GSE1: variants seen among roughly 807,000 people sequenced by gnomAD.
GSE1 encodes Gse1 coiled-coil protein.
A neutral mutation model predicts 112.6 loss-of-function variants in GSE1; 32 were observed. The observed-to-expected ratio is 0.28, with a 90% CI of 0.21 to 0.38. The LOEUF (loss-of-function observed/expected upper bound fraction) is 0.38. GSE1 is among the 10% of genes least tolerant of loss of function. The probability of loss-of-function intolerance (pLI) is 1.00; values close to 1 mark genes in which losing one functional copy is unlikely to be tolerated. For synonymous variants in GSE1, 1,115 were observed against 735.6 expected, an observed-to-expected ratio of 1.52 and a Z score of -8.35; for missense variants, 2,348 against 1,699.2, an observed-to-expected ratio of 1.38 and a Z score of -6.71.
intron 1 of GSE1, among the ~76,000 whole-genome samples, chr16:85,215,845 C>T (rs541531579): frequency 1.4e-4 from 21 of 152,304 alleles, no homozygotes; most frequent in Admixed American, 9.8e-4. Context: ...CCGTCCCCAC[C>T]GTAACCCCAC....
intron 2 of GSE1, among the ~76,000 whole-genome samples, chr16:85,536,218 T>A (rs72801152): frequency 0.18 from 27,332 of 152,256 alleles, 2,712 homozygotes; most frequent in South Asian, 0.28. Context: ...TTCTGAGTTC[T>A]CTCCGTGGGG....
At chr16:85,569,539 G>A (rs1311122934) in intron 1 of GSE1, among the ~76,000 whole-genome samples, 1 of 152,228 alleles carries the variant, frequency 6.6e-6, no homozygotes, top group African/African-American at 2.4e-5. Flanking sequence ...CAAGAGCTTA[G>A]TGTGGTGTCT....
chr16:85,321,976 AG>A (rs1407211934), intron 1 of GSE1, among the ~76,000 whole-genome samples: 2 of 152,144 alleles, frequency 1.3e-5, no homozygotes, highest in Non-Finnish European at 2.9e-5. Flanking sequence ...CCTGACCGCC[AG>A]GGCCGTGTCC....
chr16:85,239,630 G>C (rs886437393), intron 1 of GSE1, among the ~76,000 whole-genome samples: 6 of 152,318 alleles, frequency 3.9e-5, no homozygotes, highest in African/African-American at 1.2e-4. Flanking sequence ...GGAGAGGTGA[G>C]AGCTGGAGAG....
intron 2 of GSE1, among the ~76,000 whole-genome samples, chr16:85,432,593 G>T (rs943119072): frequency 6.6e-6 from 1 of 152,204 alleles, no homozygotes. Context: ...GGTGTCATTT[G>T]TGGGGCATAT....
rs956899615 is a variant in GSE1 at position 85,675,141 on chromosome 16, T to G, written c.*2602T>G. ...ATCTGTTTTCAATTGGGCTTAAAAA[T>G]TGACATGCAATCTCTTAAGTTTTTT... On this transcript the variant is annotated 3_prime_UTR_variant, in exon 16 of 16. Coordinates refer to ENST00000253458, the MANE Select transcript of GSE1 (RefSeq NM_014615.5). The G allele has an allele frequency of 1.2e-4, 17 of 147,750 alleles. No individual in the cohort carries two copies. Among genetic ancestry groups the G allele is most frequent in the African/African-American group, 4.0e-4 (16 of 40,306 alleles). 9.2% of individuals were successfully genotyped at this position (147,750 alleles called of 1,614,324 possible).
Position 85,663,459 on chromosome 16 carries a change from C to T in GSE1, c.2489C>T (p.Pro830Leu). The stretch of plus-strand genomic sequence containing the variant: ...CTGCGAGAGAGAAGCCCGTCGCCCC[C>T]AACAATTCAGAGCAAGCGGCAGACG... ...RMLRERSPSP[P>L]TIQSKRQTPS... Residue 830 changes from proline (P) to leucine (L), a missense_variant, in exon 11 of 16, where the codon CCA becomes CTA. Pro to Leu is a moderately conservative substitution (Grantham distance 98). Transcript: ENST00000253458. 1 of 1,613,972 alleles carries T rather than the reference C, an allele frequency of 6.2e-7. No individual in the cohort carries two copies. The highest frequency in any genetic ancestry group is 8.5e-7 in the Non-Finnish European group (1 of 1,180,040).
exon 1 of GSE1, chr16:85,555,985 G>A: frequency 1.0e-6 from 1 of 984,614 alleles, no homozygotes; most frequent in Non-Finnish European, 1.2e-6. Flanking sequence ...AAGTCCAAAA[G>A]GCAGAAAATA....
intron 1 of GSE1, among the ~76,000 whole-genome samples, chr16:85,173,194 C>T (rs919554991): frequency 3.9e-5 from 6 of 152,210 alleles, no homozygotes; most frequent in Non-Finnish European, 8.8e-5. Context: ...TCATTTGTTC[C>T]TTACCATGGC....
chr16:85,553,085 C>A (rs1567581875), upstream of GSE1, among the ~76,000 whole-genome samples: 1 of 151,838 alleles, frequency 6.6e-6, no homozygotes, highest in Admixed American at 6.6e-5. Context: ...GGAGATTTTT[C>A]CAGTTTGTGA....
chr16:85,555,353 G>C (rs962899628), upstream of GSE1: 4 of 984,104 alleles, frequency 4.1e-6, no homozygotes, highest in South Asian at 1.4e-4. Flanking sequence ...CCCTCTCTCT[G>C]AGTCAGTGGT....
Position 85,587,176 on chromosome 16 carries a change from C to G in GSE1, c.37+30813C>G, listed in dbSNP as rs142937683. Among the ~76,000 whole-genome samples the G allele has an allele frequency of 6.0e-4, 91 of 150,516 alleles. 1 individual carries two copies. The East Asian group carries it at 0.012, about 19-fold the overall frequency. On this transcript the variant is annotated intron_variant, in intron 1 of 2. Transcript: ENST00000635906. Reference sequence around the variant, plus strand: ...TCTGGTCTGAGGACGAAACCCCCCCCCCCCCAGACCAGACCCCATGGTCTG... The same window carrying G: ...TCTGGTCTGAGGACGAAACCCCCCCGCCCCCAGACCAGACCCCATGGTCTG...
intron 1 of GSE1, among the ~76,000 whole-genome samples, chr16:85,245,726 C>T (rs1269652714): frequency 2.0e-5 from 3 of 152,244 alleles, no homozygotes; most frequent in African/African-American, 7.2e-5. Context: ...AAAAAAGTGT[C>T]CTCTGATTAG....
exon 1 of GSE1, chr16:85,556,215 T>A: frequency 3.0e-6 from 3 of 985,192 alleles, no homozygotes; most frequent in Non-Finnish European, 3.6e-6. Context: ...TTTATTGTTT[T>A]GGACATTTTT....
chr16:85,508,828 C>T (rs1235189741), intron 2 of GSE1, among the ~76,000 whole-genome samples: 3 of 152,188 alleles, frequency 2.0e-5, no homozygotes, highest in Non-Finnish European at 4.4e-5. Context: ...GAGAAAGGTT[C>T]GTAACTGTGT....
chr16:85,170,442 C>G, exon 1 of GSE1: 1 of 985,562 alleles, frequency 1.0e-6, no homozygotes, highest in Non-Finnish European at 1.2e-6. Flanking sequence ...CCCTGGAGAG[C>G]AGGCCGCTGG....
chr16:85,278,196 C>T (rs1474686740), intron 1 of GSE1, among the ~76,000 whole-genome samples: 3 of 152,216 alleles, frequency 2.0e-5, no homozygotes, highest in Admixed American at 2.0e-4. Context: ...GACTCACCCT[C>T]CTGCAGCGTC....
intron 12 of GSE1, 122 bp downstream of exon 12, chr16:85,665,250 C>A: frequency 1.6e-6 from 1 of 629,948 alleles, no homozygotes; most frequent in South Asian, 1.9e-5. Flanking sequence ...CTGTCTTCTT[C>A]CATTCTTGTA....
intron 1 of GSE1, among the ~76,000 whole-genome samples, chr16:85,562,083 C>T (rs577690831): frequency 2.6e-5 from 4 of 152,220 alleles, no homozygotes; most frequent in Admixed American, 6.5e-5. Flanking sequence ...CCACTCTGGG[C>T]GCAGGTTAGG....
Sources: gnomAD v4.1 joint callset for allele counts (sites outside exome capture counted in the v4.1 genomes callset) on GRCh38, gnomAD v4.1.1 for gene constraint, MANE v1.5 for transcripts, NCBI Gene and HGNC (gene_info 2026-07-23, HGNC 2026-07-21) for gene names.